Variants in ERCC4 observed in about 807,000 individuals in gnomAD.
ERCC4 encodes the protein ERCC excision repair 4, endonuclease catalytic subunit.
A neutral mutation model predicts 76.9 loss-of-function variants in ERCC4; 65 were observed. The ratio of observed to expected loss-of-function variants is 0.84; its 90% confidence interval spans 0.69 to 1.04. ERCC4 has a LOEUF of 1.04. ERCC4 is among the 50% of genes least tolerant of loss of function. The pLI is 0.00. For synonymous variants in ERCC4, 463 were observed against 410.1 expected (o/e 1.13, Z -1.56); for missense variants, 1,214 against 1,128.2 (o/e 1.08, Z -1.09).
chr16:13,947,969 T>TA lies in ERCC4; in HGVS notation c.2374dup (p.Thr792AsnfsTer23). 1 of 1,614,144 alleles carries TA rather than the reference T, an allele frequency of 6.2e-7. No homozygotes were observed. The highest frequency in any genetic ancestry group is 8.5e-7 in the Non-Finnish European group (1 of 1,180,028). ...ACATTAGTTCCAAACTCACTCTTCT[T>TA]ACACTTCACTTCCCCAGACTACGGA... On this transcript the variant is annotated frameshift_variant, in exon 11 of 11. Transcript: ENST00000311895. LOFTEE classifies it low-confidence loss of function (END_TRUNC).
At chr16:13,928,327 T>A in intron 4 of ERCC4, 92 bp downstream of exon 4, 2 of 927,110 alleles carry the variant, frequency 2.2e-6, no homozygotes, top group Non-Finnish European at 3.4e-6. Flanking sequence ...AATAGGAATT[T>A]GCTGTTATTT....
rs1272981092 is a variant in ERCC4, at chr16:13,948,230, C to T, written c.2634C>T (p.Ala878=). 1 of 1,614,024 alleles carries T rather than the reference C, an allele frequency of 6.2e-7. No homozygotes were observed. Among genetic ancestry groups the T allele is most frequent in the African/African-American group, 1.3e-5 (1 of 74,906 alleles). ...HHVKNIAELA[A]LSQDELTSIL... is the part of the protein sequence containing the mutation. ...TTAAGAACATCGCAGAATTAGCAGC[C>T]CTGTCACAAGACGAGCTCACGAGTA... Residue 878 remains alanine (A), a synonymous_variant, in exon 11 of 11, where the codon GCC becomes GCT. Coordinates refer to ENST00000311895, the MANE Select transcript of ERCC4 (RefSeq NM_005236.3).
chr16:13,926,047 T>C (rs1383025608), intron 2 of ERCC4, among the ~76,000 whole-genome samples: 1 of 152,176 alleles, frequency 6.6e-6, no homozygotes, highest in Non-Finnish European at 1.5e-5. Flanking sequence ...ATTCATCTCA[T>C]AGGTAATGTA....
intron 4 of ERCC4, among the ~76,000 whole-genome samples, chr16:13,929,569 C>A (rs2141947415): frequency 6.6e-6 from 1 of 152,288 alleles, no homozygotes; most frequent in East Asian, 1.9e-4. Context: ...GTAACAGAAT[C>A]AGTCTGTGAA....
At chr16:13,935,814 G>C in intron 8 of ERCC4, 71 bp downstream of exon 8, 1 of 1,132,842 alleles carries the variant, frequency 8.8e-7, no homozygotes. Context: ...TATACCAGTT[G>C]CATGTTAGTT....
chr16:13,947,096 A>T (rs1288065541), intron 10 of ERCC4, among the ~76,000 whole-genome samples: 1 of 152,178 alleles, frequency 6.6e-6, no homozygotes. Context: ...CAGGTGGCTC[A>T]TGTGCATGTT....
At position 13,947,734 on chromosome 16, in the gene ERCC4, T is replaced by G; in HGVS notation, c.2138T>G (p.Val713Gly). The G allele has an allele frequency of 6.2e-7, 1 of 1,614,208 alleles. No homozygotes were observed. The change falls in exon 11 of 11, where the codon GTT (valine) becomes GGT (glycine). Residue 713 changes from valine to glycine, a missense_variant. By Grantham distance (109) the Val-to-Gly change is moderately radical. Coordinates refer to ENST00000311895, the MANE Select transcript of ERCC4 (RefSeq NM_005236.3). ...GACATTGAACCCGTGACTTTAGAGG[T>G]TGGAGATTACATCCTCACTCCAGAA... ...GIDIEPVTLE[V>G]GDYILTPEMC...
In ERCC4 at chr16:13,948,708, T is replaced by G. The variant is rs1279344948; in HGVS notation, c.*361T>G. The G allele has an allele frequency of 1.3e-5, 3 of 238,382 alleles. No individual in the cohort carries two copies. Among genetic ancestry groups the G allele is most frequent in the Non-Finnish European group, 1.6e-5 (2 of 121,746 alleles). The allele number at this position is 238,382 out of a possible 1,614,324, so 14.8% of individuals were successfully genotyped here. A position where few individuals can be genotyped will look rare whatever the true frequency, so the allele number is the denominator to read the frequency against. ...AATATGCTAAGCCTGGCATGGACGG[T>G]GCAGGGAGGGAAAAGAGCAGGCACA... On this transcript the variant is annotated 3_prime_UTR_variant, in exon 11 of 11. Transcript: ENST00000311895.
In ERCC4 at chr16:13,930,808, T is replaced by G. The variant is rs886051660; in HGVS notation, c.891T>G (p.Tyr297Ter). The change falls in exon 5 of 11, where the codon TAT becomes TAG. Residue 297 changes from tyrosine (Y) to a stop codon, truncating the protein, a stop_gained. Coordinates refer to ENST00000311895, the MANE Select transcript of ERCC4 (RefSeq NM_005236.3). LOFTEE classifies it high-confidence loss of function. ...DLKILRTLLQYLSQYDCVTFL... is the reference protein window; with the variant it reads ...DLKILRTLLQ ...AGATATTACGAACTTTGCTGCAGTA[T>G]CTCTCTCAGTATGATTGTGTCACAT... The G allele has an allele frequency of 6.2e-7, 1 of 1,612,206 alleles. No homozygotes were observed.
intron 9 of ERCC4, among the ~76,000 whole-genome samples, chr16:13,938,762 C>T (rs1280756103): frequency 2.6e-5 from 4 of 152,150 alleles, no homozygotes; most frequent in Non-Finnish European, 5.9e-5. Context: ...CTGCCAAGAC[C>T]CTAGGCCAAA....
rs908599301 is a variant in ERCC4 at position 13,948,458 on chromosome 16, C to A, written c.*111C>A. On this transcript the variant is annotated 3_prime_UTR_variant, in exon 11 of 11. Transcript: ENST00000311895. ...TGCTATTTCATTCTTTTCCAATGCT[C>A]TTAATGATTGTACGGTGGACCAGAA... is the stretch of plus-strand genomic sequence containing the variant. 7.7e-7 allele frequency: 1 copy of A among 1,306,830 alleles called. No individual in the cohort carries two copies. The highest frequency in any genetic ancestry group is 1.4e-5 in the African/African-American group (1 of 68,980). 81.0% of individuals were successfully genotyped at this position (1,306,830 alleles called of 1,614,324 possible). A position where few individuals can be genotyped will look rare whatever the true frequency, so the allele number is the denominator to read the frequency against.
chr16:13,931,114 C>T (rs900080970), intron 5 of ERCC4: 10 of 537,750 alleles, frequency 1.9e-5, no homozygotes, highest in Admixed American at 1.3e-4. Context: ...ATATCCGTTC[C>T]GGGCAATTTT....
Position 13,948,980 on chromosome 16 carries a change from C to G in ERCC4, c.*633C>G, listed in dbSNP as rs2062657548. 1 of 232,712 alleles carries G rather than the reference C, an allele frequency of 4.3e-6. No individual in the cohort carries two copies. The highest frequency in any genetic ancestry group is 8.5e-6 in the Non-Finnish European group (1 of 117,828). The allele number at this position is 232,712 out of a possible 1,614,324, so 14.4% of individuals were successfully genotyped here. On this transcript the variant is annotated 3_prime_UTR_variant, in exon 11 of 11. Transcript: ENST00000311895. ...CCAGTTCTCTCTACCACATTTTCTT[C>G]AGCTCCATACTTCTGCCTGTCTGCT...
intron 9 of ERCC4, among the ~76,000 whole-genome samples, chr16:13,943,767 C>T (rs775330399): frequency 7.4e-5 from 11 of 149,114 alleles, no homozygotes; most frequent in African/African-American, 1.7e-4. Flanking sequence ...TTTGTTCCCT[C>T]GACATCAGTT....
chr16:13,927,282 G>A (rs1193908306), intron 3 of ERCC4, among the ~76,000 whole-genome samples: 1 of 152,180 alleles, frequency 6.6e-6, no homozygotes, highest in Admixed American at 6.5e-5. Context: ...TTGTACACCG[G>A]GTGCAGTGGC....
intron 10 of ERCC4, among the ~76,000 whole-genome samples, chr16:13,947,053 C>T (rs3136220): frequency 0.023 from 3,470 of 152,300 alleles, 49 homozygotes; most frequent in Non-Finnish European, 0.037. Context: ...TGAGCCACCG[C>T]GCCCGGCCCG....
intron 10 of ERCC4, among the ~76,000 whole-genome samples, chr16:13,947,376 C>T (rs531943653): frequency 6.6e-6 from 1 of 152,294 alleles, no homozygotes; most frequent in South Asian, 2.1e-4. Flanking sequence ...TATGAATCAT[C>T]GCAAGTAAGG....
chr16:13,947,983 C>T lies in ERCC4; in HGVS notation c.2387C>T (p.Pro796Leu), dbSNP rs1303709169. The T allele has an allele frequency of 6.2e-7, 1 of 1,614,120 alleles. No homozygotes were observed. Among genetic ancestry groups the T allele is most frequent in the Non-Finnish European group, 8.5e-7 (1 of 1,180,032 alleles). ...SKLTLLTLHF[P>L]RLRILWCPSP... ...CTCACTCTTCTTACACTTCACTTCC[C>T]CAGACTACGGATTCTCTGGTGCCCC... The change falls in exon 11 of 11, where the codon CCC becomes CTC. Residue 796 changes from proline (P) to leucine (L), a missense_variant. Transcript: ENST00000311895.
In ERCC4 at chr16:13,949,733, G is replaced by A. The variant is rs992867132; in HGVS notation, c.*1386G>A. On this transcript the variant is annotated 3_prime_UTR_variant, in exon 11 of 11. Coordinates refer to ENST00000311895, the MANE Select transcript of ERCC4 (RefSeq NM_005236.3). The stretch of plus-strand genomic sequence containing the variant: ...AGGATATTCACAGCATCTTTGTGCA[G>A]TTTTTAAACTTTTATATTTAAACAT... The A allele has an allele frequency of 4.3e-6, 1 of 232,476 alleles. No individual in the cohort carries two copies. The highest frequency in any genetic ancestry group is 2.2e-5 in the African/African-American group (1 of 45,298). The allele number at this position is 232,476 out of a possible 1,614,324, so 14.4% of individuals were successfully genotyped here.
Sources: allele counts gnomAD v4.1 joint callset (sites outside exome capture counted in the v4.1 genomes callset), GRCh38; gene constraint gnomAD v4.1.1; transcripts MANE v1.5; gene names NCBI Gene and HGNC (gene_info 2026-07-23, HGNC 2026-07-21).